Variants in RYR1 observed in about 807,000 individuals in gnomAD.
RYR1 encodes the protein central core disease of muscle.
Under a neutral mutation model 583.5 loss-of-function variants are expected in RYR1, and 342 were observed. The ratio of observed to expected loss-of-function variants is 0.59; its 90% CI spans 0.54 to 0.64. RYR1 has a LOEUF of 0.64. Ranked by LOEUF, RYR1 falls within the 30% of genes least tolerant of loss-of-function variation. The pLI, the probability that RYR1 is intolerant of heterozygous loss-of-function variation, is 0.00. For missense variants in RYR1, 6,032 were observed against 6,917.2 expected (o/e 0.87, Z 4.54); for synonymous variants, 2,791 against 2,822.5 (o/e 0.99, Z 0.35).
intron 61 of RYR1, 150 bp from the exon 62 acceptor site, chr19:38,511,922 G>C (rs1970742232): frequency 2.1e-6 from 2 of 951,306 alleles, no homozygotes; most frequent in Non-Finnish European, 1.7e-6. Context: ...TGGAGGCGCT[G>C]TAGGAGTCTG....
intron 89 of RYR1, among the ~76,000 whole-genome samples, chr19:38,557,978 AAAAAT>A (rs1190527849): frequency 6.6e-6 from 1 of 152,008 alleles, no homozygotes; most frequent in African/African-American, 2.4e-5. Flanking sequence ...AGACTCTCTC[AAAAAT>A]AAAATAAAAT....
intron 58 of RYR1, 92 bp from the exon 59 acceptor site, chr19:38,510,406 T>C (rs1239426947): frequency 3.1e-6 from 4 of 1,295,626 alleles, no homozygotes; most frequent in Non-Finnish European, 4.5e-6. Context: ...CCCCCATCAT[T>C]TCCCAACTCT....
At chr19:38,534,469 G>T (rs905252399) in intron 78 of RYR1, among the ~76,000 whole-genome samples, 1 of 152,184 alleles carries the variant, frequency 6.6e-6, no homozygotes, top group African/African-American at 2.4e-5. Context: ...ATGGCCTGGA[G>T]GCCCATGGGC....
At position 38,507,171 on chromosome 19, in the gene RYR1, CAG is replaced by C. The variant is rs369587705; in HGVS notation, c.8816+224_8816+225del. Among the ~76,000 whole-genome samples, 617 of 144,540 alleles carry C rather than the reference CAG, an allele frequency of 4.3e-3. 3 individuals are homozygous for C. Among genetic ancestry groups the C allele is most frequent in the African/African-American group, 0.015 (574 of 38,434 alleles). The allele number at this position is 144,540 out of a possible 152,430, so 94.8% of individuals were successfully genotyped here. A position where few individuals can be genotyped will look rare whatever the true frequency, so the allele number is the denominator to read the frequency against. On this transcript the variant is annotated intron_variant, in intron 57 of 105. Transcript: ENST00000359596. ...GGCGGGGCTTAAGCACAGGCGGGAC[CAG>C]AGAGGAGAGGAGGAAGAGAAGGGCG...
chr19:38,505,893 G>A lies in RYR1; in HGVS notation c.8488G>A (p.Glu2830Lys), dbSNP rs1221422224. The A allele has an allele frequency of 5.0e-6, 8 of 1,614,010 alleles. No individual in the cohort carries two copies. In the East Asian group the frequency reaches 1.8e-4, roughly 36 times the overall value. ...GACGATAGAGAAGGCCAGGGAGGGT[G>A]AGGAGGAGAAGACGGAAAAGAAAAA... Reference protein sequence around the residue: ...EWTIEKAREGEEEKTEKKKTR... With the variant: ...EWTIEKAREGKEEKTEKKKTR... The change falls in exon 54 of 106, where the codon GAG becomes AAG. Residue 2830 changes from glutamate (E) to lysine (K), a missense_variant. Transcript: ENST00000359596.
chr19:38,471,075 G>A (rs1968396740), intron 27 of RYR1, among the ~76,000 whole-genome samples: 1 of 152,262 alleles, frequency 6.6e-6, no homozygotes, highest in Admixed American at 6.5e-5. Context: ...GAGAGCACAG[G>A]CTGTGGGATT....
intron 71 of RYR1, among the ~76,000 whole-genome samples, chr19:38,526,653 T>G (rs1247633591): frequency 6.6e-6 from 1 of 150,680 alleles, no homozygotes; most frequent in East Asian, 2.0e-4. Context: ...CCTTCTGATC[T>G]TCAAAGACTC....
chr19:38,504,726 C>G, intron 50 of RYR1, 22 bp from the exon 51 acceptor site: 1 of 1,613,710 alleles, frequency 6.2e-7, no homozygotes, highest in Non-Finnish European at 8.5e-7. Flanking sequence ...CCTCCTACCC[C>G]TGCTTCACCC....
chr19:38,506,306 TATG>T lies in RYR1; in HGVS notation c.8548_8550del (p.Asp2850del), dbSNP rs1230424453. The stretch of plus-strand genomic sequence containing the variant: ...CATCTTCCCCTTGTCCTCTCAGACC[TATG>T]ATCCTCGAGAAGGCTACAACCCTCA... On this transcript the variant is annotated inframe_deletion, in exon 55 of 106. Transcript: ENST00000359596. 1 of 1,613,858 alleles carries T rather than the reference TATG, an allele frequency of 6.2e-7. No individual in the cohort carries two copies. The highest frequency in any genetic ancestry group is 8.5e-7 in the Non-Finnish European group (1 of 1,179,980).
rs781406709 is a variant in RYR1 at position 38,444,297 on chromosome 19, G to T, written c.537+36G>T. 5.3e-6 allele frequency: 8 copies of T among 1,510,246 alleles called. No homozygotes were observed. Among genetic ancestry groups the T allele is most frequent in the Non-Finnish European group, 7.3e-6 (8 of 1,089,738 alleles). The allele number at this position is 1,510,246 out of a possible 1,614,324, so 93.6% of individuals were successfully genotyped here. A position where few individuals can be genotyped will look rare whatever the true frequency, so the allele number is the denominator to read the frequency against. On this transcript the variant is annotated intron_variant, in intron 6 of 105. Coordinates refer to ENST00000359596, the MANE Select transcript of RYR1 (RefSeq NM_000540.3). The surrounding 1 kb of genome is among the most constrained non-coding windows in gnomAD (Gnocchi z 5.1). Reference sequence around the variant, plus strand: ...GCGGTTCCTCCTGCTCCCAGGTCTGGGGGCGCATGGGATGGTCCCCATCTT... The same window carrying T: ...GCGGTTCCTCCTGCTCCCAGGTCTGTGGGCGCATGGGATGGTCCCCATCTT...
intron 74 of RYR1, 81 bp downstream of exon 74, chr19:38,528,499 G>T: frequency 6.3e-7 from 1 of 1,589,242 alleles, no homozygotes; most frequent in East Asian, 2.2e-5. Context: ...GAGGGCCAAC[G>T]TGATGGGGCC....
chr19:38,557,662 G>GT, intron 89 of RYR1, among the ~76,000 whole-genome samples: 1 of 152,194 alleles, frequency 6.6e-6, no homozygotes. Context: ...AAATTAGCTA[G>GT]GCATGGTGGC....
chr19:38,483,668 T>C lies in RYR1; in HGVS notation c.4934+152T>C. ...CTACCTCAGGGGACTCGGGCTCAGC[T>C]CAGACATCCCCAGATTATGTCCCAG... On this transcript the variant is annotated intron_variant, in intron 33 of 105. Coordinates refer to ENST00000359596, the MANE Select transcript of RYR1 (RefSeq NM_000540.3). This position sits in a 1 kb window ranked among gnomAD's most constrained non-coding sequence, Gnocchi z 6.3. The C allele has an allele frequency of 1.4e-6, 1 of 693,678 alleles. No homozygotes were observed. Among genetic ancestry groups the C allele is most frequent in the South Asian group, 1.8e-5 (1 of 57,044 alleles). The allele number at this position is 693,678 out of a possible 1,614,324, so 43.0% of individuals were successfully genotyped here.
chr19:38,537,155 C>T (rs567101525), intron 83 of RYR1: 1 of 303,836 alleles, frequency 3.3e-6, no homozygotes, highest in Non-Finnish European at 6.2e-6. Flanking sequence ...ACCCCGACCT[C>T]AGATTGGTCA....
chr19:38,577,543 T>A (rs1974012503), intron 97 of RYR1, among the ~76,000 whole-genome samples: 1 of 151,986 alleles, frequency 6.6e-6, no homozygotes, highest in African/African-American at 2.4e-5. Flanking sequence ...ACGCCTGTAA[T>A]CCCAGCACTT....
rs192804389 is a variant in RYR1, at chr19:38,449,262, C to A, written c.1122+449C>A. Among the ~76,000 whole-genome samples, 308 of 152,100 alleles carry A rather than the reference C, an allele frequency of 2.0e-3. 1 individual carries two copies. The highest frequency in any genetic ancestry group is 3.4e-3 in the Non-Finnish European group (234 of 67,990). On this transcript the variant is annotated intron_variant, in intron 11 of 105. Transcript: ENST00000359596. The stretch of plus-strand genomic sequence containing the variant: ...ATCACCTGAGGTCAGGAGTTTGAGA[C>A]CAGCCTGGCCAACATGGTGAAACCC...
Position 38,485,736 on chromosome 19 carries a change from T to C in RYR1, c.5081T>C (p.Leu1694Pro). 1 of 1,612,792 alleles carries C rather than the reference T, an allele frequency of 6.2e-7. No homozygotes were observed. Among genetic ancestry groups the C allele is most frequent in the Admixed American group, 1.7e-5 (1 of 60,018 alleles). ...AGCCACGTAGACCAAGCTCAGCTGC[T>C]GCACGCCCTGGAGGACGCGCACCTG... ...LCSHVDQAQL[L>P]HALEDAHLPG... The change falls in exon 34 of 106, where the codon CTG becomes CCG. Residue 1694 changes from leucine (L) to proline (P), a missense_variant. Leu to Pro is a moderately conservative substitution (Grantham distance 98). Coordinates refer to ENST00000359596, the MANE Select transcript of RYR1 (RefSeq NM_000540.3).
intron 31 of RYR1, among the ~76,000 whole-genome samples, chr19:38,482,317 TC>T (rs1478350720): frequency 6.6e-6 from 1 of 151,968 alleles, no homozygotes; most frequent in Non-Finnish European, 1.5e-5. Context: ...GGGAGTTGGG[TC>T]CCAGGGTGCA....
intron 84 of RYR1, among the ~76,000 whole-genome samples, chr19:38,538,296 AG>A (rs1450338924): frequency 6.6e-6 from 1 of 152,146 alleles, no homozygotes; most frequent in East Asian, 1.9e-4. Flanking sequence ...GCTACTCAGG[AG>A]GCTGAGGCAG....
Sources: allele counts gnomAD v4.1 joint callset (sites outside exome capture counted in the v4.1 genomes callset), GRCh38; gene constraint gnomAD v4.1.1; non-coding constraint Gnocchi (gnomAD v3.1); transcripts MANE v1.5; gene names NCBI Gene and HGNC (gene_info 2026-07-23, HGNC 2026-07-21).